GRIA1: variants seen among roughly 807,000 people sequenced by gnomAD.
GRIA1 encodes glutamate receptor 1.
Under a neutral mutation model 99.2 loss-of-function variants are expected in GRIA1, and 31 were observed. The observed-to-expected ratio is 0.31, with a 90% CI of 0.23 to 0.42. The LOEUF is 0.42. GRIA1 is among the 10% of genes least tolerant of loss of function. GRIA1 has a pLI of 1.00. For missense variants in GRIA1, 782 were observed against 1,157.5 expected, an observed-to-expected ratio of 0.68 and a Z score of 4.71; for synonymous variants, 438 against 432.4, an observed-to-expected ratio of 1.01 and a Z score of -0.16.
chr5:153,543,315 A>T (rs1299120598), intron 2 of GRIA1, among the ~76,000 whole-genome samples: 1 of 152,236 alleles, frequency 6.6e-6, no homozygotes, highest in Non-Finnish European at 1.5e-5. Flanking sequence ...GATAAGAATC[A>T]ACAGCTAACA....
chr5:153,650,715 CT>C (rs1754502123), intron 4 of GRIA1, among the ~76,000 whole-genome samples: 1 of 151,546 alleles, frequency 6.6e-6, no homozygotes, highest in African/African-American at 2.4e-5. Context: ...TGACATAGGG[CT>C]TCAAATGGTT....
chr5:153,525,593 A>G (rs1470674203), intron 2 of GRIA1: 1 of 151,606 alleles, frequency 6.6e-6, no homozygotes, highest in Non-Finnish European at 1.5e-5. Context: ...CTGCTATTTC[A>G]TTGTGTGGAA....
chr5:153,581,716 T>TA (rs1763059283), intron 2 of GRIA1, among the ~76,000 whole-genome samples: 1 of 151,778 alleles, frequency 6.6e-6, no homozygotes, highest in Non-Finnish European at 1.5e-5. Flanking sequence ...GTTTACCTAT[T>TA]AATTCCATGC....
intron 11 of GRIA1, among the ~76,000 whole-genome samples, chr5:153,747,237 C>G (rs1019240657): frequency 1.3e-5 from 2 of 152,128 alleles, no homozygotes; most frequent in African/African-American, 4.8e-5. Context: ...CAAAGAGGAG[C>G]AGCGTGTCAC....
chr5:153,669,057 A>G (rs1755959357), intron 5 of GRIA1, among the ~76,000 whole-genome samples: 2 of 152,212 alleles, frequency 1.3e-5, no homozygotes, highest in South Asian at 4.1e-4. Flanking sequence ...AAGGTCTCTT[A>G]ACCATAGCTC....
chr5:153,753,914 A>C (rs1166817950), intron 11 of GRIA1, among the ~76,000 whole-genome samples: 1 of 152,230 alleles, frequency 6.6e-6, no homozygotes, highest in Non-Finnish European at 1.5e-5. Flanking sequence ...TTCAACAGAA[A>C]TTTCCAAGTG....
chr5:153,738,281 A>T (rs1187926538), intron 11 of GRIA1, among the ~76,000 whole-genome samples: 1 of 152,114 alleles, frequency 6.6e-6, no homozygotes, highest in East Asian at 1.9e-4. Flanking sequence ...TCCTCAGAAA[A>T]TGTCACCACT....
At chr5:153,652,894 A>G (rs1318901398) in intron 4 of GRIA1, among the ~76,000 whole-genome samples, 4 of 152,284 alleles carry the variant, frequency 2.6e-5, no homozygotes, top group African/African-American at 9.6e-5. Flanking sequence ...ATCATCCTGG[A>G]CTATCTCACA....
chr5:153,810,295 C>A (rs1476958315), intron 15 of GRIA1, among the ~76,000 whole-genome samples: 2 of 152,188 alleles, frequency 1.3e-5, no homozygotes, highest in Admixed American at 6.5e-5. Context: ...AGATGATAAT[C>A]TTTGGAATGC....
intron 5 of GRIA1, among the ~76,000 whole-genome samples, chr5:153,660,594 A>G (rs1755296538): frequency 6.6e-6 from 1 of 152,234 alleles, no homozygotes; most frequent in Admixed American, 6.5e-5. Context: ...TCTTGTCTAC[A>G]GTAGCAGCAA....
intron 2 of GRIA1, among the ~76,000 whole-genome samples, chr5:153,603,613 A>G (rs1472785909): frequency 6.6e-6 from 1 of 152,216 alleles, no homozygotes; most frequent in Non-Finnish European, 1.5e-5. Flanking sequence ...CATACCGAAT[A>G]TGTAAATATC....
intron 2 of GRIA1, among the ~76,000 whole-genome samples, chr5:153,552,965 A>G (rs1473590380): frequency 6.6e-6 from 1 of 152,072 alleles, no homozygotes; most frequent in Non-Finnish European, 1.5e-5. Flanking sequence ...GGGTCTTGCT[A>G]TGTTGCCCTG....
At chr5:153,680,656 T>C (rs1561761057) in intron 7 of GRIA1, among the ~76,000 whole-genome samples, 1 of 152,112 alleles carries the variant, frequency 6.6e-6, no homozygotes, top group Non-Finnish European at 1.5e-5. Flanking sequence ...CAGCCAACAA[T>C]CAAGCATATG....
At chr5:153,549,364 G>A (rs1210052490) in intron 2 of GRIA1, among the ~76,000 whole-genome samples, 2 of 152,126 alleles carry the variant, frequency 1.3e-5, no homozygotes, top group Non-Finnish European at 2.9e-5. Context: ...TCCAAGAGCA[G>A]AAGCAGGGTC....
chr5:153,663,105 A>G (rs1212303538), intron 5 of GRIA1, among the ~76,000 whole-genome samples: 16 of 152,120 alleles, frequency 1.1e-4, no homozygotes, highest in Admixed American at 9.2e-4. Flanking sequence ...AAGGTGATCC[A>G]AGCATCCCAG....
intron 2 of GRIA1, among the ~76,000 whole-genome samples, chr5:153,609,165 A>T (rs935562605): frequency 3.3e-5 from 5 of 152,120 alleles, no homozygotes; most frequent in Non-Finnish European, 7.3e-5. Context: ...TTAGTTGCTT[A>T]CTCTAGAATT....
At chr5:153,800,871 C>G (rs1765971200) in intron 14 of GRIA1, among the ~76,000 whole-genome samples, 1 of 152,198 alleles carries the variant, frequency 6.6e-6, no homozygotes, top group Non-Finnish European at 1.5e-5. Flanking sequence ...CGGTCCACCC[C>G]TTGCATGGCT....
intron 2 of GRIA1, among the ~76,000 whole-genome samples, chr5:153,609,555 CTTTTTTTTTTTTTTTTTT>C (rs3036982): frequency 1.2e-5 from 1 of 84,346 alleles, no homozygotes; most frequent in African/African-American, 5.6e-5. Context: ...AGACTCTTTT[CTTTTTTTTTTTTTTTTTT>C]TTTTTTTTGA....
At chr5:153,800,394 T>G (rs1765928899) in intron 14 of GRIA1, among the ~76,000 whole-genome samples, 1 of 152,172 alleles carries the variant, frequency 6.6e-6, no homozygotes, top group Non-Finnish European at 1.5e-5. Flanking sequence ...ACATTTTGAG[T>G]GTTCTAAAAA....
Sources: gnomAD v4.1 joint callset for allele counts (sites outside exome capture counted in the v4.1 genomes callset) on GRCh38, gnomAD v4.1.1 for gene constraint, MANE v1.5 for transcripts, NCBI Gene and HGNC (gene_info 2026-07-23, HGNC 2026-07-21) for gene names.